GOLGA3: variants seen among roughly 807,000 people sequenced by gnomAD.
GOLGA3 encodes golgin subfamily A member 3.
A neutral mutation model predicts 169.4 loss-of-function variants in GOLGA3; 75 were observed. That is an observed-to-expected ratio of 0.44 (90% CI 0.37 to 0.54). The LOEUF (loss-of-function observed/expected upper bound fraction) is 0.54, where lower values mean the gene tolerates loss of function less well. Ranked by LOEUF, GOLGA3 falls within the 20% of genes least tolerant of loss-of-function variation. The pLI, the probability that GOLGA3 is intolerant of heterozygous loss-of-function variation, is 0.00. For missense variants in GOLGA3, 1,899 were observed against 1,930.0 expected (o/e 0.98, Z 0.30); for synonymous variants, 824 against 822.4 (o/e 1.00, Z -0.03).
chr12:132,810,241 C>G (rs1396428993), intron 4 of GOLGA3, among the ~76,000 whole-genome samples: 2 of 152,020 alleles, frequency 1.3e-5, no homozygotes, highest in Non-Finnish European at 2.9e-5. Flanking sequence ...GAGTGAGACC[C>G]TGTCTCCAAA....
At chr12:132,805,093 C>T in intron 6 of GOLGA3, 71 bp from the exon 7 acceptor site, 8 of 1,502,902 alleles carry the variant, frequency 5.3e-6, no homozygotes, top group Non-Finnish European at 7.1e-6. Flanking sequence ...TTAACAGGAA[C>T]ACAACCAGCG....
intron 11 of GOLGA3, among the ~76,000 whole-genome samples, chr12:132,794,333 TAA>T (rs1218754773): frequency 3.1e-4 from 41 of 132,392 alleles, no homozygotes; most frequent in Admixed American, 4.6e-4. Flanking sequence ...CGTATCTATT[TAA>T]AAAAAAAAAA....
At position 132,798,288 on chromosome 12, in the gene GOLGA3, C is replaced by A. The variant is rs377759605; in HGVS notation, c.1938+52G>T. 1.2e-5 allele frequency: 18 copies of A among 1,523,420 alleles called. No homozygotes were observed. The African/African-American group carries it at 1.8e-4, about 15-fold the overall frequency. The allele number at this position is 1,523,420 out of a possible 1,614,324, so 94.4% of individuals were successfully genotyped here. Reference sequence around the variant, plus strand: ...ACATGTAAGAAAACACACATGGTATCGATGTCTGCGTCTGTTCTCCTAAGC... The same window carrying A: ...ACATGTAAGAAAACACACATGGTATAGATGTCTGCGTCTGTTCTCCTAAGC... On this transcript the variant is annotated intron_variant, in intron 9 of 23. Coordinates refer to ENST00000450791, the MANE Select transcript of GOLGA3 (RefSeq NM_001389683.1).
chr12:132,780,051 GCACA>G (rs2045492844), intron 18 of GOLGA3, among the ~76,000 whole-genome samples: 4 of 126,168 alleles, frequency 3.2e-5, no homozygotes, highest in South Asian at 2.7e-4. Context: ...ACCCCCCCGC[GCACA>G]TACACACACA....
rs1227948704 is a variant in GOLGA3 at position 132,796,124 on chromosome 12, G to C, written c.2197C>G (p.Leu733Val). The C allele has an allele frequency of 1.2e-6, 2 of 1,612,214 alleles. No homozygotes were observed. The highest frequency in any genetic ancestry group is 3.3e-5 in the Admixed American group (2 of 60,018). The change falls in exon 11 of 24, where the codon CTG becomes GTG. Residue 733 changes from leucine to valine, a missense_variant. Coordinates refer to ENST00000450791, the MANE Select transcript of GOLGA3 (RefSeq NM_001389683.1). ...MKQLTLTQEA[L>V]QSREQSLDAL... ...TCGAGGGACTGCTCCCTGCTCTGCA[G>C]AGCCTCCTGAGTCAAGGTGAGCTGT... is the stretch of plus-strand genomic sequence containing the variant.
chr12:132,807,380 GCT>G (rs1593339699), intron 5 of GOLGA3, 92 bp from the exon 6 acceptor site: 1 of 632,520 alleles, frequency 1.6e-6, no homozygotes, highest in Non-Finnish European at 2.7e-6. Flanking sequence ...CACCCCTGCT[GCT>G]CTCTCCCAAT....
chr12:132,773,189 C>T lies in GOLGA3; in HGVS notation c.4413G>A (p.Val1471=). 2 of 1,586,442 alleles carry T rather than the reference C, an allele frequency of 1.3e-6. No individual in the cohort carries two copies. Among genetic ancestry groups the T allele is most frequent in the Non-Finnish European group, 1.7e-6 (2 of 1,165,448 alleles). ...GTGGGCCGGCGTGACCCCCCGGGGG[C>T]ACAGGGCTGGCAGTGGCTGGCTCCA... ...TPLEPATASP[V]PPGGHAGPRG... is the part of the protein sequence containing the mutation. The change falls in exon 24 of 24, where the codon GTG becomes GTA. Residue 1471 remains valine (V), a synonymous_variant. Transcript: ENST00000450791.
At chr12:132,819,673 T>G (rs897886333) in intron 2 of GOLGA3, among the ~76,000 whole-genome samples, 2 of 152,208 alleles carry the variant, frequency 1.3e-5, no homozygotes, top group Admixed American at 6.5e-5. Context: ...ACCAACGCAC[T>G]GAGACGCCTT....
At chr12:132,820,176 CAA>C (rs35718567) in intron 2 of GOLGA3, among the ~76,000 whole-genome samples, 1 of 140,546 alleles carries the variant, frequency 7.1e-6, no homozygotes, top group African/African-American at 2.6e-5. Context: ...AACTCCGTCT[CAA>C]AAAAAAAAAA....
chr12:132,782,888 A>AG (rs2045684402), intron 16 of GOLGA3, among the ~76,000 whole-genome samples: 3 of 151,990 alleles, frequency 2.0e-5, no homozygotes, highest in Non-Finnish European at 2.9e-5. Flanking sequence ...AAAAAAAAAA[A>AG]AAAAGAAAAA....
intron 22 of GOLGA3, chr12:132,774,786 T>C: frequency 4.4e-6 from 2 of 453,988 alleles, no homozygotes; most frequent in Admixed American, 3.9e-5. Context: ...CTGGAAAACA[T>C]GGATGTGGAC....
At position 132,786,764 on chromosome 12, in the gene GOLGA3, C is replaced by A. The variant is rs773571644; in HGVS notation, c.2835G>T (p.Gln945His). The change falls in exon 14 of 24, where the codon CAG becomes CAT. Residue 945 changes from glutamine (Q) to histidine (H), a missense_variant. By Grantham distance (24) the Gln-to-His change is conservative. Coordinates refer to ENST00000450791, the MANE Select transcript of GOLGA3 (RefSeq NM_001389683.1). ...HLQSLQFDKE[Q>H]MVAVTEANEA... ...CATTGGCCTCTGTGACCGCGACCAT[C>A]TGCTCCTTATCGAACTGCAACGACT... is the stretch of plus-strand genomic sequence containing the variant. 2 of 1,613,302 alleles carry A rather than the reference C, an allele frequency of 1.2e-6. No homozygotes were observed. The highest frequency in any genetic ancestry group is 1.7e-6 in the Non-Finnish European group (2 of 1,179,412).
At position 132,791,225 on chromosome 12, in the gene GOLGA3, G is replaced by A; in HGVS notation, c.2538C>T (p.Leu846=). 3 of 1,590,178 alleles carry A rather than the reference G, an allele frequency of 1.9e-6. No individual in the cohort carries two copies. The highest frequency in any genetic ancestry group is 2.6e-6 in the Non-Finnish European group (3 of 1,159,054). The part of the protein sequence containing the change: ...KQMQKIKEQF[L]QQKVMVEAYR... ...AACAACAGATTTTTACCTTTTGTTG[G>A]AGAAACTGTTCCTTTATTTTTTGCA... Residue 846 remains leucine (L), a synonymous_variant, in exon 12 of 24, where the codon CTC becomes CTT. Transcript: ENST00000450791.
At chr12:132,795,194 A>G (rs1266877091) in intron 11 of GOLGA3, among the ~76,000 whole-genome samples, 3 of 151,850 alleles carry the variant, frequency 2.0e-5, no homozygotes, top group Admixed American at 6.6e-5. Flanking sequence ...TCAAAAAAAA[A>G]AAAAAAGAAA....
intron 1 of GOLGA3, among the ~76,000 whole-genome samples, chr12:132,823,044 C>T: frequency 6.6e-6 from 1 of 152,214 alleles, no homozygotes; most frequent in South Asian, 2.1e-4. Flanking sequence ...AACTCAGATC[C>T]AGAGAAACAA....
chr12:132,780,121 G>GCA lies in GOLGA3; in HGVS notation c.3582+675_3582+676dup, dbSNP rs1555251122. ...CACTTGCACGCACAGCCCCCCGCGT[G>GCA]CACACACCCCAGGCACACGTGTGTA... On this transcript the variant is annotated intron_variant, in intron 18 of 23. Coordinates refer to ENST00000450791, the MANE Select transcript of GOLGA3 (RefSeq NM_001389683.1). 9.5e-5 allele frequency among the ~76,000 whole-genome samples: 3 copies of GCA among 31,578 alleles called. 1 individual carries two copies. Among genetic ancestry groups the GCA allele is most frequent in the East Asian group, 9.4e-4 (2 of 2,128 alleles). The allele number at this position is 31,578 out of a possible 152,430, so 20.7% of individuals were successfully genotyped here.
rs370673201 is a variant in GOLGA3, at chr12:132,776,175, G to A, written c.3978+459C>T. Among the ~76,000 whole-genome samples the A allele has an allele frequency of 1.4e-3, 116 of 81,986 alleles. 1 individual carries two copies. Among genetic ancestry groups the A allele is most frequent in the African/African-American group, 3.5e-3 (106 of 30,402 alleles). The allele number at this position is 81,986 out of a possible 152,430, so 53.8% of individuals were successfully genotyped here. ...TACACAGGTACCTGCAGCAGCTGCT[G>A]TAGCCCCTCCAGCTCCTTCCTCCCT... On this transcript the variant is annotated intron_variant, in intron 21 of 23. Coordinates refer to ENST00000450791, the MANE Select transcript of GOLGA3 (RefSeq NM_001389683.1).
At chr12:132,806,813 A>G (rs765622849) in intron 6 of GOLGA3, among the ~76,000 whole-genome samples, 1 of 152,250 alleles carries the variant, frequency 6.6e-6, no homozygotes, top group Non-Finnish European at 1.5e-5. Flanking sequence ...TTTCTCTGAT[A>G]CAGCACAATT....
At chr12:132,809,219 T>C (rs888604721) in intron 4 of GOLGA3, among the ~76,000 whole-genome samples, 2 of 152,178 alleles carry the variant, frequency 1.3e-5, no homozygotes, top group Admixed American at 6.5e-5. Context: ...TTTCACTAAT[T>C]TACTACTGCT....
Sources: allele counts gnomAD v4.1 joint callset (sites outside exome capture counted in the v4.1 genomes callset), GRCh38; gene constraint gnomAD v4.1.1; transcripts MANE v1.5; gene names NCBI Gene and HGNC (gene_info 2026-07-23, HGNC 2026-07-21).